ERGIC1: variants seen among roughly 807,000 people sequenced by gnomAD.
The protein encoded by ERGIC1 is endoplasmic reticulum-golgi intermediate compartment 1.
In ERGIC1, 19 loss-of-function variants were observed where a neutral mutation model predicts 38.3. The observed-to-expected ratio is 0.50, with a 90% CI of 0.35 to 0.73. The LOEUF is 0.73. Ranked by LOEUF, ERGIC1 falls within the 30% of genes least tolerant of loss-of-function variation. The probability of loss-of-function intolerance (pLI) is 0.01; values close to 1 mark genes in which losing one functional copy is unlikely to be tolerated. For missense variants in ERGIC1, 294 were observed against 389.2 expected (o/e 0.76, Z 2.06); for synonymous variants, 124 against 157.6 (o/e 0.79, Z 1.60).
intron 5 of ERGIC1, among the ~76,000 whole-genome samples, chr5:172,923,753 C>T (rs1279864572): frequency 6.6e-6 from 1 of 152,234 alleles, no homozygotes; most frequent in Non-Finnish European, 1.5e-5. Flanking sequence ...GGGCACTTCA[C>T]ATGCACCCTC....
rs549060261 is a variant in ERGIC1 at position 172,892,846 on chromosome 5, A to C, written c.82+4086A>C. ...GACCTGGTCTCTGTCCTCCTCCTCT[A>C]TCTGGGGTAAGGGTAACACACGCCA... On this transcript the variant is annotated intron_variant, in intron 2 of 9. Coordinates refer to ENST00000393784, the MANE Select transcript of ERGIC1 (RefSeq NM_001031711.3). Among the ~76,000 whole-genome samples, 7 of 152,096 alleles carry C rather than the reference A, an allele frequency of 4.6e-5. No individual in the cohort carries two copies. The East Asian group carries it at 1.4e-3, about 29-fold the overall frequency.
chr5:172,940,792 G>A (rs764873509), intron 9 of ERGIC1, among the ~76,000 whole-genome samples: 2 of 152,190 alleles, frequency 1.3e-5, no homozygotes, highest in Non-Finnish European at 2.9e-5. Context: ...ACCCACAGAC[G>A]TTCCTCTCTG....
chr5:172,919,845 G>T (rs1763464722), intron 5 of ERGIC1, among the ~76,000 whole-genome samples: 1 of 152,186 alleles, frequency 6.6e-6, no homozygotes, highest in Non-Finnish European at 1.5e-5. Flanking sequence ...CTGGTCAGGG[G>T]AGTGCCAGGG....
rs148164046 is a variant in ERGIC1, at chr5:172,887,548, C to T, written c.21-1151C>T. Among the ~76,000 whole-genome samples the T allele has an allele frequency of 3.2e-4, 48 of 152,298 alleles. No individual in the cohort carries two copies. In the East Asian group the frequency reaches 4.2e-3, roughly 13 times the overall value. ...CGTTTGCTGAAGGTCACATGGTGAA[C>T]GAGAGGACCAGCCGAGATTTGAACC... On this transcript the variant is annotated intron_variant, in intron 1 of 9. Transcript: ENST00000393784.
intron 1 of ERGIC1, among the ~76,000 whole-genome samples, chr5:172,887,515 G>A (rs1762452811): frequency 6.6e-6 from 1 of 152,222 alleles, no homozygotes; most frequent in Admixed American, 6.5e-5. Flanking sequence ...GGCTCCGAGA[G>A]GTGAAGTCGT....
At chr5:172,868,827 C>T (rs532456031) in intron 1 of ERGIC1, among the ~76,000 whole-genome samples, 3 of 152,204 alleles carry the variant, frequency 2.0e-5, no homozygotes, top group Non-Finnish European at 4.4e-5. Flanking sequence ...TCGCTATCTT[C>T]TGCTCAATTT....
At chr5:172,894,008 G>A (rs1165799493) in intron 2 of ERGIC1, among the ~76,000 whole-genome samples, 1 of 137,826 alleles carries the variant, frequency 7.3e-6, no homozygotes, top group Non-Finnish European at 1.6e-5. Context: ...GGGGGCTGCA[G>A]ATCAGGAGAG....
chr5:172,896,077 TCA>T (rs1192632855), intron 2 of ERGIC1, among the ~76,000 whole-genome samples: 1 of 152,086 alleles, frequency 6.6e-6, no homozygotes, highest in East Asian at 1.9e-4. Flanking sequence ...GTGTAGTGGC[TCA>T]CACCTGTAAT....
At chr5:172,902,903 T>A (rs1762920515) in intron 3 of ERGIC1, among the ~76,000 whole-genome samples, 1 of 152,146 alleles carries the variant, frequency 6.6e-6, no homozygotes, top group African/African-American at 2.4e-5. Flanking sequence ...AATTGTTTTG[T>A]ATAGATGTCA....
chr5:172,861,357 C>T (rs1761694861), intron 1 of ERGIC1, among the ~76,000 whole-genome samples: 1 of 152,192 alleles, frequency 6.6e-6, no homozygotes, highest in Non-Finnish European at 1.5e-5. Context: ...TCTTTCATAG[C>T]TCCTCCCACC....
At chr5:172,918,468 G>C (rs149771236) in intron 5 of ERGIC1, 2 of 152,294 alleles carry the variant, frequency 1.3e-5, no homozygotes. Flanking sequence ...GGGGAGATGC[G>C]GGGGTAACAA....
intron 4 of ERGIC1, among the ~76,000 whole-genome samples, chr5:172,910,615 C>T (rs1252808989): frequency 6.6e-6 from 1 of 150,890 alleles, no homozygotes; most frequent in East Asian, 1.9e-4. Context: ...ACCTCTGCCT[C>T]CTGGGTTCAA....
chr5:172,899,579 C>T (rs1421247068), intron 3 of ERGIC1, among the ~76,000 whole-genome samples: 1 of 152,024 alleles, frequency 6.6e-6, no homozygotes, highest in East Asian at 1.9e-4. Context: ...AGCCTGTAAT[C>T]CCAGGCTGGG....
chr5:172,834,482 G>T lies in ERGIC1; in HGVS notation c.20+49G>T. The T allele has an allele frequency of 7.8e-7, 1 of 1,288,994 alleles. No homozygotes were observed. Among genetic ancestry groups the T allele is most frequent in the Admixed American group, 4.1e-5 (1 of 24,208 alleles). 79.8% of individuals were successfully genotyped at this position (1,288,994 alleles called of 1,614,324 possible). Reference sequence around the variant, plus strand: ...TCGGGAGTTCCCTCAGCGGGCAGAGGGAGCGCCCCGGCACGCCGCGGACCC... The same window carrying T: ...TCGGGAGTTCCCTCAGCGGGCAGAGTGAGCGCCCCGGCACGCCGCGGACCC... On this transcript the variant is annotated intron_variant, in intron 1 of 9. Coordinates refer to ENST00000393784, the MANE Select transcript of ERGIC1 (RefSeq NM_001031711.3). The surrounding 1 kb of genome is among the most constrained non-coding windows in gnomAD (Gnocchi z 4.1).
chr5:172,903,466 C>G (rs1168659063), intron 3 of ERGIC1, among the ~76,000 whole-genome samples: 3 of 152,270 alleles, frequency 2.0e-5, no homozygotes, highest in South Asian at 2.1e-4. Flanking sequence ...AGCATGGGCT[C>G]TGGGCCCCCT....
chr5:172,934,004 G>C (rs1014103121), intron 8 of ERGIC1: 1 of 152,102 alleles, frequency 6.6e-6, no homozygotes, highest in Non-Finnish European at 1.5e-5. Flanking sequence ...GACCCAGACA[G>C]TCATCCTGCC....
intron 1 of ERGIC1, among the ~76,000 whole-genome samples, chr5:172,848,974 A>G (rs1423263035): frequency 2.0e-5 from 3 of 152,214 alleles, no homozygotes; most frequent in Non-Finnish European, 2.9e-5. Flanking sequence ...ACCACGTGCC[A>G]GCTCCCCTTG....
At chr5:172,945,055 C>T (rs73327075) in intron 9 of ERGIC1, among the ~76,000 whole-genome samples, 3 of 152,330 alleles carry the variant, frequency 2.0e-5, no homozygotes, top group African/African-American at 7.2e-5. Flanking sequence ...TCAACAAACA[C>T]GTCTTGTGCA....
At chr5:172,893,905 A>ATATATATATATATG (rs1173039695) in intron 2 of ERGIC1, among the ~76,000 whole-genome samples, 2 of 15,540 alleles carry the variant, frequency 1.3e-4, no homozygotes, top group Admixed American at 1.4e-3. Flanking sequence ...ATATATATAT[A>ATATATATATATATG]TGTGTGTGTG....
Sources: gnomAD v4.1 joint callset for allele counts (sites outside exome capture counted in the v4.1 genomes callset) on GRCh38, gnomAD v4.1.1 for gene constraint, Gnocchi (gnomAD v3.1) non-coding constraint, MANE v1.5 for transcripts, NCBI Gene and HGNC (gene_info 2026-07-23, HGNC 2026-07-21) for gene names.